Variants in AGAP1 observed in about 807,000 individuals in gnomAD.
AGAP1 encodes arf-GAP with GTPase, ANK repeat and PH domain-containing protein 1.
A neutral mutation model predicts 105.3 loss-of-function variants in AGAP1; 29 were observed. The observed-to-expected ratio is 0.28, with a 90% CI of 0.21 to 0.38. AGAP1 has a LOEUF of 0.38. Ranked by LOEUF, AGAP1 falls within the 10% of genes least tolerant of loss-of-function variation. AGAP1 has a pLI of 1.00. For synonymous variants in AGAP1, 509 were observed against 485.9 expected (o/e 1.05, Z -0.63); for missense variants, 998 against 1,165.1 (o/e 0.86, Z 2.09).
chr2:235,923,174 A>G lies in AGAP1; in HGVS notation c.1325-7591A>G, dbSNP rs147457324. On this transcript the variant is annotated intron_variant, in intron 11 of 17. Transcript: ENST00000304032. ...TGTATTTCATGGTAACGCAAATAATATTTGGGGGACGATGCCGAAAAGGTC... is the reference window on the plus strand; with the variant it reads ...TGTATTTCATGGTAACGCAAATAATGTTTGGGGGACGATGCCGAAAAGGTC... 4.1e-3 allele frequency among the ~76,000 whole-genome samples: 625 copies of G among 152,200 alleles called. 3 individuals are homozygous for G. The highest frequency in any genetic ancestry group is 0.015 in the African/African-American group (615 of 41,536).
In AGAP1 at chr2:235,635,413, G is replaced by T. The variant is rs1478210113; in HGVS notation, c.164-73766G>T. On this transcript the variant is annotated intron_variant, in intron 1 of 17. Coordinates refer to ENST00000304032, the MANE Select transcript of AGAP1 (RefSeq NM_001037131.3). The surrounding 1 kb of genome is among the most constrained non-coding windows in gnomAD (Gnocchi z 5.3). ...TGACTTTCATCTTGCCTGGTAATAA[G>T]CCCTCCTAGGAAAACAAATTACTCT... is the stretch of plus-strand genomic sequence containing the variant. 1.3e-5 allele frequency among the ~76,000 whole-genome samples: 2 copies of T among 152,034 alleles called. No individual in the cohort carries two copies. The highest frequency in any genetic ancestry group is 4.8e-5 in the African/African-American group (2 of 41,398).
At chr2:235,545,875 C>T (rs1346319542) in intron 1 of AGAP1, among the ~76,000 whole-genome samples, 3 of 152,340 alleles carry the variant, frequency 2.0e-5, no homozygotes, top group African/African-American at 4.8e-5. Flanking sequence ...CACCAGGCAT[C>T]GTAGGCATTG....
In AGAP1 at chr2:235,744,783, G is replaced by C. The variant is rs538844406; in HGVS notation, c.482G>C (p.Arg161Pro). The C allele has an allele frequency of 6.2e-7, 1 of 1,613,972 alleles. No homozygotes were observed. Among genetic ancestry groups the C allele is most frequent in the African/African-American group, 1.3e-5 (1 of 74,980 alleles). The change falls in exon 5 of 18, where the codon CGA becomes CCA. Residue 161 changes from arginine (R) to proline (P), a missense_variant. Coordinates refer to ENST00000304032, the MANE Select transcript of AGAP1 (RefSeq NM_001037131.3). This position sits in a 1 kb window ranked among gnomAD's most constrained non-coding sequence, Gnocchi z 5.2. ...SFQTVYHYYS[R>P]MANYRNTSEI... ...CAGACCGTTTACCACTACTACAGTC[G>C]AATGGCCAACTATCGGAACACGAGC...
At chr2:236,006,571 CATG>C (rs1169658458) in intron 13 of AGAP1, among the ~76,000 whole-genome samples, 1 of 152,190 alleles carries the variant, frequency 6.6e-6, no homozygotes, top group African/African-American at 2.4e-5. Context: ...AGTGTTTTAA[CATG>C]AGGAATGGCT....
rs201953851 is a variant in AGAP1 at position 235,799,369 on chromosome 2, A to G, written c.804A>G (p.Thr268=). Residue 268 remains threonine (T), a splice_region_variant and synonymous_variant, in exon 8 of 18, where the codon ACA becomes ACG. Coordinates refer to ENST00000304032, the MANE Select transcript of AGAP1 (RefSeq NM_001037131.3). The surrounding 1 kb of genome is among the most constrained non-coding windows in gnomAD (Gnocchi z 5.0). ...ACCTTGGATTTTAATCATTTCAGAC[A>G]AGTAATGGAGGTGGGAGTTTAAGCG... ...AQVSAVHISQ[T]SNGGGSLSDY... 123 of 1,613,958 alleles carry G rather than the reference A, an allele frequency of 7.6e-5. No homozygotes were observed. Among genetic ancestry groups the G allele is most frequent in the Admixed American group, 1.0e-4 (6 of 59,992 alleles).
rs2059166550 is a variant in AGAP1 at position 236,095,338 on chromosome 2, A to C, written c.2115-24854A>C. The stretch of plus-strand genomic sequence containing the variant: ...CTGGAGCCCAGGAAGTCAAGGCTGC[A>C]GTGAGCCATGATCATGCCACTGCAT... On this transcript the variant is annotated intron_variant, in intron 16 of 17. Coordinates refer to ENST00000304032, the MANE Select transcript of AGAP1 (RefSeq NM_001037131.3). This position sits in a 1 kb window ranked among gnomAD's most constrained non-coding sequence, Gnocchi z 4.1. Among the ~76,000 whole-genome samples the C allele has an allele frequency of 6.6e-6, 1 of 152,140 alleles. No homozygotes were observed. Among genetic ancestry groups the C allele is most frequent in the Non-Finnish European group, 1.5e-5 (1 of 68,034 alleles).
chr2:235,753,070 C>T lies in AGAP1; in HGVS notation c.673+2582C>T, dbSNP rs1157480584. Among the ~76,000 whole-genome samples, 1 of 152,158 alleles carries T rather than the reference C, an allele frequency of 6.6e-6. No homozygotes were observed. On this transcript the variant is annotated intron_variant, in intron 6 of 17. Transcript: ENST00000304032. The surrounding 1 kb of genome is among the most constrained non-coding windows in gnomAD (Gnocchi z 4.5). ...GGGTTCCACCCTTGTGATCAGTCACCTGGCAGAGGCCCCACCTCTTATTCC... is the reference window on the plus strand; with the variant it reads ...GGGTTCCACCCTTGTGATCAGTCACTTGGCAGAGGCCCCACCTCTTATTCC...
chr2:235,809,596 T>G (rs1958022040), intron 9 of AGAP1, among the ~76,000 whole-genome samples: 1 of 152,192 alleles, frequency 6.6e-6, no homozygotes, highest in Non-Finnish European at 1.5e-5. Flanking sequence ...TTAGCAAAAC[T>G]GGATTTTTAA....
At chr2:235,504,223 T>G (rs1318150552) in intron 1 of AGAP1, among the ~76,000 whole-genome samples, 1 of 152,146 alleles carries the variant, frequency 6.6e-6, no homozygotes, top group Non-Finnish European at 1.5e-5. Context: ...ACTGATCACA[T>G]GTGGGACCAG....
chr2:235,985,592 A>G (rs1175665050), intron 13 of AGAP1, among the ~76,000 whole-genome samples: 1 of 152,138 alleles, frequency 6.6e-6, no homozygotes, highest in Non-Finnish European at 1.5e-5. Context: ...GTTTTCATTT[A>G]ACTCTTTAAT....
In AGAP1 at chr2:236,107,808, T is replaced by A. The variant is rs530161814; in HGVS notation, c.2115-12384T>A. ...CCTGGGGCCTGCACCTGCCGGGGGA[T>A]CTGCCAGCCCCCATACCTGCGGCCG... is the stretch of plus-strand genomic sequence containing the variant. On this transcript the variant is annotated intron_variant, in intron 16 of 17. Transcript: ENST00000304032. Among the ~76,000 whole-genome samples, 5 of 152,344 alleles carry A rather than the reference T, an allele frequency of 3.3e-5. No individual in the cohort carries two copies. In the South Asian group the frequency reaches 1.0e-3, roughly 32 times the overall value.
At chr2:235,999,149 G>C (rs554908551) in intron 13 of AGAP1, among the ~76,000 whole-genome samples, 1 of 133,602 alleles carries the variant, frequency 7.5e-6, no homozygotes, top group South Asian at 2.7e-4. Context: ...ACGATGGTGA[G>C]AGGTGGTGGT....
Position 236,061,109 on chromosome 2 carries a change from G to A in AGAP1, c.2114+11828G>A, listed in dbSNP as rs893317591. Among the ~76,000 whole-genome samples the A allele has an allele frequency of 2.0e-5, 3 of 152,128 alleles. No individual in the cohort carries two copies. Among genetic ancestry groups the A allele is most frequent in the African/African-American group, 7.2e-5 (3 of 41,436 alleles). Reference sequence around the variant, plus strand: ...TAAAAATGGGCTAAGACTCTAAATAGACATTTCTCCAGAAAATATAAAAAT... The same window carrying A: ...TAAAAATGGGCTAAGACTCTAAATAAACATTTCTCCAGAAAATATAAAAAT... On this transcript the variant is annotated intron_variant, in intron 16 of 17. Transcript: ENST00000304032. This position sits in a 1 kb window ranked among gnomAD's most constrained non-coding sequence, Gnocchi z 4.1.
intron 13 of AGAP1, among the ~76,000 whole-genome samples, chr2:235,972,116 A>G (rs1168004789): frequency 6.6e-6 from 1 of 152,172 alleles, no homozygotes; most frequent in Non-Finnish European, 1.5e-5. Flanking sequence ...ATTATAAAAA[A>G]CCATTTCTGC....
chr2:235,717,164 C>A (rs910849111), intron 2 of AGAP1, among the ~76,000 whole-genome samples: 2 of 152,210 alleles, frequency 1.3e-5, no homozygotes, highest in African/African-American at 4.8e-5. Flanking sequence ...ACTCTCCCCA[C>A]GTCACTCACC....
At chr2:236,122,528 T>C (rs2059923720) in intron 17 of AGAP1, among the ~76,000 whole-genome samples, 2 of 152,144 alleles carry the variant, frequency 1.3e-5, no homozygotes, top group South Asian at 4.1e-4. Context: ...GGAAGTGAAT[T>C]CACTCTTTTT....
At position 235,647,512 on chromosome 2, in the gene AGAP1, C is replaced by T. The variant is rs539561508; in HGVS notation, c.164-61667C>T. On this transcript the variant is annotated intron_variant, in intron 1 of 17. Coordinates refer to ENST00000304032, the MANE Select transcript of AGAP1 (RefSeq NM_001037131.3). ...AAGCGATCCTCTCACCTCAGCCTCC[C>T]GAGTAGCTGGGACTACAGGCGCACA... Among the ~76,000 whole-genome samples, 186 of 152,168 alleles carry T rather than the reference C, an allele frequency of 1.2e-3. 1 individual carries two copies. The highest frequency in any genetic ancestry group is 3.9e-3 in the African/African-American group (160 of 41,518).
rs375110513 is a variant in AGAP1 at position 235,867,572 on chromosome 2, T to TGTGTGCGC, written c.1051-15770_1051-15769insTGCGCGTG. 1.1e-4 allele frequency among the ~76,000 whole-genome samples: 17 copies of TGTGTGCGC among 148,488 alleles called. No homozygotes were observed. In the South Asian group the frequency reaches 1.5e-3, roughly 13 times the overall value. On this transcript the variant is annotated intron_variant, in intron 9 of 17. Transcript: ENST00000304032. The surrounding 1 kb of genome is among the most constrained non-coding windows in gnomAD (Gnocchi z 5.4). ...GTGTGTGTGTGTGTGTGTGTGTGTG[T>TGTGTGCGC]GTGCAAGTGAGGGAGGGTGACCCCC... is the stretch of plus-strand genomic sequence containing the variant.
In AGAP1 at chr2:236,092,518, G is replaced by A. The variant is rs1370043879; in HGVS notation, c.2115-27674G>A. Among the ~76,000 whole-genome samples, 2 of 151,946 alleles carry A rather than the reference G, an allele frequency of 1.3e-5. No individual in the cohort carries two copies. Among genetic ancestry groups the A allele is most frequent in the Non-Finnish European group, 2.9e-5 (2 of 68,004 alleles). On this transcript the variant is annotated intron_variant, in intron 16 of 17. Coordinates refer to ENST00000304032, the MANE Select transcript of AGAP1 (RefSeq NM_001037131.3). The surrounding 1 kb of genome is among the most constrained non-coding windows in gnomAD (Gnocchi z 4.7). ...AGCAATTCTCCTGCCTCAGCCTCCC[G>A]AGTAAGCTGGGATTACAGGTGTCCG... is the stretch of plus-strand genomic sequence containing the variant.
Sources: allele counts gnomAD v4.1 joint callset (sites outside exome capture counted in the v4.1 genomes callset), GRCh38; gene constraint gnomAD v4.1.1; non-coding constraint Gnocchi (gnomAD v3.1); transcripts MANE v1.5; gene names NCBI Gene and HGNC (gene_info 2026-07-23, HGNC 2026-07-21).